CDC14B: variants seen among roughly 807,000 people sequenced by gnomAD.
CDC14B encodes the protein cell division cycle 14B.
Under a neutral mutation model 64.2 loss-of-function variants are expected in CDC14B, and 22 were observed. The observed-to-expected ratio is 0.34, with a 90% CI of 0.24 to 0.49. The LOEUF (loss-of-function observed/expected upper bound fraction) is 0.49. Among genes scored for constraint, CDC14B ranks in the 20% least tolerant of loss-of-function variants. The probability of loss-of-function intolerance (pLI) is 0.99; values close to 1 mark genes in which losing one functional copy is unlikely to be tolerated. For synonymous variants in CDC14B, 191 were observed against 215.8 expected (o/e 0.89, Z 1.01); for missense variants, 498 against 629.9 (o/e 0.79, Z 2.24).
chr9:96,542,656 C>CTT (rs112798812), intron 5 of CDC14B, among the ~76,000 whole-genome samples: 4 of 142,644 alleles, frequency 2.8e-5, no homozygotes, highest in Non-Finnish European at 4.6e-5. Context: ...ATCTAGCTAA[C>CTT]TTTTTTTTTT....
At chr9:96,508,567 GA>G (rs1200913868) in intron 13 of CDC14B, among the ~76,000 whole-genome samples, 2 of 152,212 alleles carry the variant, frequency 1.3e-5, no homozygotes, top group African/African-American at 2.4e-5. Flanking sequence ...CATTTCTAAT[GA>G]AAAATTTTAA....
chr9:96,614,545 T>A (rs1176796823), intron 1 of CDC14B, among the ~76,000 whole-genome samples: 1 of 152,138 alleles, frequency 6.6e-6, no homozygotes, highest in Non-Finnish European at 1.5e-5. Flanking sequence ...AACTATTACA[T>A]CTTATAAATT....
intron 1 of CDC14B, among the ~76,000 whole-genome samples, chr9:96,613,480 T>C: frequency 6.6e-6 from 1 of 152,256 alleles, no homozygotes. Context: ...CTACTCTGTA[T>C]GTCCACTTAA....
chr9:96,495,123 C>T (rs529706552), downstream of CDC14B, among the ~76,000 whole-genome samples: 3 of 152,136 alleles, frequency 2.0e-5, no homozygotes, highest in South Asian at 4.2e-4. Flanking sequence ...CGTGAGCCAC[C>T]GCGCCTGGCC....
rs150133188 is a variant in CDC14B at position 96,574,934 on chromosome 9, T to A, written c.161-9451A>T. 3.4e-3 allele frequency among the ~76,000 whole-genome samples: 524 copies of A among 152,332 alleles called. 1 individual carries two copies. Among genetic ancestry groups the A allele is most frequent in the Admixed American group, 6.9e-3 (105 of 15,302 alleles). On this transcript the variant is annotated intron_variant, in intron 1 of 13. Transcript: ENST00000375241. ...AATGCACAAGATGAAGAAGCCTAAC[T>A]ATCCTTCCTGCTCCTCTTTTTCAGA...
In CDC14B at chr9:96,555,571, C is replaced by T. The variant is rs34761234; in HGVS notation, c.421-3699G>A. ...TAATTTGCTGGGCAGCAATAGTGTG[C>T]AGTAGCACACTCAATTTAAGGAAAT... On this transcript the variant is annotated intron_variant, in intron 4 of 13. Transcript: ENST00000375241. 5.0e-3 allele frequency among the ~76,000 whole-genome samples: 757 copies of T among 152,288 alleles called. 3 individuals are homozygous for T. Among genetic ancestry groups the T allele is most frequent in the Non-Finnish European group, 8.2e-3 (560 of 68,028 alleles).
intron 1 of CDC14B, among the ~76,000 whole-genome samples, chr9:96,618,279 A>C (rs1050878266): frequency 3.3e-5 from 5 of 152,168 alleles, no homozygotes; most frequent in African/African-American, 1.2e-4. Context: ...AGGTTGACAC[A>C]TTCCCCGCCA....
chr9:96,589,813 T>G (rs1034116275), intron 1 of CDC14B, among the ~76,000 whole-genome samples: 2 of 151,448 alleles, frequency 1.3e-5, no homozygotes, highest in African/African-American at 4.9e-5. Context: ...ACAAAAAAAT[T>G]AGGCAGGCGT....
At chr9:96,496,644 C>T (rs1833255413), downstream of CDC14B, among the ~76,000 whole-genome samples, 1 of 152,232 alleles carries the variant, frequency 6.6e-6, no homozygotes, top group Admixed American at 6.5e-5. Flanking sequence ...TCCCGGCTGA[C>T]CCCGCAATCC....
chr9:96,597,770 T>C (rs1846183550), intron 1 of CDC14B, among the ~76,000 whole-genome samples: 1 of 152,212 alleles, frequency 6.6e-6, no homozygotes, highest in Admixed American at 6.5e-5. Flanking sequence ...AAATGCTAAC[T>C]ACTACATGGA....
chr9:96,497,516 C>T (rs563032361), downstream of CDC14B, among the ~76,000 whole-genome samples: 1 of 151,888 alleles, frequency 6.6e-6, no homozygotes, highest in East Asian at 1.9e-4. Flanking sequence ...GCTAGGACGA[C>T]ATAATACAGC....
intron 1 of CDC14B, among the ~76,000 whole-genome samples, chr9:96,599,044 T>G (rs1846260896): frequency 6.6e-6 from 1 of 152,224 alleles, no homozygotes; most frequent in Non-Finnish European, 1.5e-5. Flanking sequence ...TATCTTATAA[T>G]TAGTAACTTA....
intron 13 of CDC14B, among the ~76,000 whole-genome samples, chr9:96,504,064 C>T (rs553452442): frequency 1.1e-4 from 17 of 152,232 alleles, no homozygotes; most frequent in African/African-American, 3.6e-4. Context: ...TCATAAAAGA[C>T]GGACGGGCAG....
At chr9:96,551,130 T>TTTTTTTTTTTTA (rs1841767054) in intron 5 of CDC14B, among the ~76,000 whole-genome samples, 1 of 127,134 alleles carries the variant, frequency 7.9e-6, no homozygotes, top group African/African-American at 2.9e-5. Flanking sequence ...TTTTTTTTTT[T>TTTTTTTTTTTTA]GAGACAAGTT....
At chr9:96,495,779 AC>A (rs1331396690), downstream of CDC14B, among the ~76,000 whole-genome samples, 4 of 152,140 alleles carry the variant, frequency 2.6e-5, no homozygotes, top group African/African-American at 9.7e-5. Flanking sequence ...GGGAATTTTT[AC>A]TGAGGCTCCC....
chr9:96,496,965 A>G (rs1249001567), downstream of CDC14B, among the ~76,000 whole-genome samples: 1 of 152,258 alleles, frequency 6.6e-6, no homozygotes, highest in African/African-American at 2.4e-5. Context: ...GGCGGGTGCC[A>G]GGACGCCAGA....
intron 12 of CDC14B, among the ~76,000 whole-genome samples, chr9:96,512,890 C>G (rs760774510): frequency 8.6e-5 from 13 of 151,762 alleles, no homozygotes; most frequent in Admixed American, 6.6e-5. Flanking sequence ...TAATTTGAGG[C>G]CACGGTTGGC....
intron 1 of CDC14B, among the ~76,000 whole-genome samples, chr9:96,606,527 T>TTGTGTGTGTGTGTGTGTG (rs376059971): frequency 4.6e-4 from 52 of 112,852 alleles, no homozygotes; most frequent in African/African-American, 1.3e-3. Flanking sequence ...TACTAAAAGT[T>TTGTGTGTGTGTGTGTGTG]TGTGTGTGTG....
chr9:96,514,684 A>C (rs1486154529), intron 12 of CDC14B: 1 of 985,350 alleles, frequency 1.0e-6, no homozygotes, highest in African/African-American at 1.7e-5. Context: ...GAGACAAGAG[A>C]AGAAATTCTT....
Sources: allele counts gnomAD v4.1 joint callset (sites outside exome capture counted in the v4.1 genomes callset), GRCh38; gene constraint gnomAD v4.1.1; transcripts MANE v1.5; gene names NCBI Gene and HGNC (gene_info 2026-07-23, HGNC 2026-07-21).